Variants in UNK observed in about 807,000 individuals in gnomAD.
UNK encodes the protein RING finger protein unkempt homolog.
Under a neutral mutation model 97.6 loss-of-function variants are expected in UNK, and 32 were observed. The observed-to-expected ratio is 0.33, with a 90% CI of 0.25 to 0.44. UNK has a LOEUF of 0.44. Ranked by LOEUF, UNK falls within the 20% of genes least tolerant of loss-of-function variation. The pLI, the probability that UNK is intolerant of heterozygous loss-of-function variation, is 1.00. For missense variants in UNK, 771 were observed against 1,098.4 expected (o/e 0.70, Z 4.21); for synonymous variants, 441 against 461.2 (o/e 0.96, Z 0.56).
intron 1 of UNK, among the ~76,000 whole-genome samples, chr17:75,795,502 G>T (rs1383295569): frequency 6.6e-6 from 1 of 151,996 alleles, no homozygotes; most frequent in Non-Finnish European, 1.5e-5. Flanking sequence ...ACCACACCTG[G>T]CTAATTTTTG....
Position 75,822,464 on chromosome 17 carries a change from C to T in UNK, c.1838-13C>T, listed in dbSNP as rs1176749095. 6.3e-6 allele frequency: 10 copies of T among 1,599,558 alleles called. No homozygotes were observed. The highest frequency in any genetic ancestry group is 8.5e-6 in the Non-Finnish European group (10 of 1,171,772). ...GCCCTCCGGAGCTGATGTTCTTCCCCTCCTTGGGGCAGGTCTGAACGGGAT... is the reference window on the plus strand; with the variant it reads ...GCCCTCCGGAGCTGATGTTCTTCCCTTCCTTGGGGCAGGTCTGAACGGGAT... On this transcript the variant is annotated splice_polypyrimidine_tract_variant and intron_variant, in intron 13 of 15. Coordinates refer to ENST00000589666, the MANE Select transcript of UNK (RefSeq NM_001080419.3).
At chr17:75,822,680 G>A (rs773235210) in intron 14 of UNK, 22 bp downstream of exon 14, 21 of 1,572,542 alleles carry the variant, frequency 1.3e-5, no homozygotes, top group South Asian at 4.7e-5. Context: ...CGTGCCTGCC[G>A]GCCTTCCCCA....
rs2062006611 is a variant in UNK, at chr17:75,815,226, C to G, written c.934C>G (p.Pro312Ala). 1 of 1,613,454 alleles carries G rather than the reference C, an allele frequency of 6.2e-7. No homozygotes were observed. Among genetic ancestry groups the G allele is most frequent in the East Asian group, 2.2e-5 (1 of 44,896 alleles). ...GCAGTCGGGCAGCTGTCCCCGAGGA[C>G]CCTTCTGCGCCTTTGCCCACGTAGA... ...MQQSGSCPRG[P>A]FCAFAHVEQP... Residue 312 changes from proline (P) to alanine (A), a missense_variant, in exon 7 of 16, where the codon CCC becomes GCC. By Grantham distance (27) the Pro-to-Ala change is conservative. Around this residue, in one of 5 missense-constraint regions of UNK, gnomAD observed 246 missense variants for 440.7 expected, o/e 0.56. Coordinates refer to ENST00000589666, the MANE Select transcript of UNK (RefSeq NM_001080419.3).
chr17:75,809,228 C>T (rs1226290614), intron 1 of UNK, among the ~76,000 whole-genome samples: 4 of 152,148 alleles, frequency 2.6e-5, no homozygotes, highest in African/African-American at 9.7e-5. Context: ...AGTCAGTAGT[C>T]CCGAGGGATG....
At chr17:75,806,730 G>A (rs577973809) in intron 1 of UNK, among the ~76,000 whole-genome samples, 121 of 151,514 alleles carry the variant, frequency 8.0e-4, no homozygotes, top group African/African-American at 2.8e-3. Flanking sequence ...CTGAGATTGC[G>A]CCACTGCACT....
chr17:75,800,153 C>T (rs1373534049), intron 1 of UNK, among the ~76,000 whole-genome samples: 1 of 152,074 alleles, frequency 6.6e-6, no homozygotes, highest in Non-Finnish European at 1.5e-5. Flanking sequence ...ACTGCAGTCT[C>T]GACCTCCCAG....
At chr17:75,812,051 T>A (rs1032372117) in intron 2 of UNK, 61 bp from the exon 3 acceptor site, 1 of 1,510,610 alleles carries the variant, frequency 6.6e-7, no homozygotes, top group Non-Finnish European at 8.9e-7. Context: ...GGGCAGGGGG[T>A]AGGCAGGGAA....
chr17:75,791,364 C>T (rs1299825301), intron 1 of UNK, among the ~76,000 whole-genome samples: 1 of 152,132 alleles, frequency 6.6e-6, no homozygotes, highest in East Asian at 1.9e-4. Context: ...CACTTGATTG[C>T]ATCTGATTGT....
At chr17:75,809,027 C>G (rs1443756496) in intron 1 of UNK, 1 of 146,174 alleles carries the variant, frequency 6.8e-6, no homozygotes, top group Non-Finnish European at 1.5e-5. Context: ...CATAAATAGC[C>G]CGGCTGCTGC....
rs2062102920 is a variant in UNK at position 75,824,696 on chromosome 17, T to C, written c.*279T>C. 5.9e-6 allele frequency: 1 copy of C among 168,236 alleles called. No homozygotes were observed. Among genetic ancestry groups the C allele is most frequent in the African/African-American group, 2.4e-5 (1 of 41,962 alleles). 10.4% of individuals were successfully genotyped at this position (168,236 alleles called of 1,614,324 possible). ...CACTTTTTAAAAGAAGAAACTATTT[T>C]GCAGTCCTCCCCTACCCACTCCCTG... On this transcript the variant is annotated 3_prime_UTR_variant, in exon 16 of 16. Coordinates refer to ENST00000589666, the MANE Select transcript of UNK (RefSeq NM_001080419.3). The surrounding 1 kb of genome is among the most constrained non-coding windows in gnomAD (Gnocchi z 4.9).
intron 1 of UNK, among the ~76,000 whole-genome samples, chr17:75,804,348 A>G (rs1420495326): frequency 1.3e-5 from 2 of 151,946 alleles, no homozygotes; most frequent in Non-Finnish European, 2.9e-5. Flanking sequence ...CCAGCTACTC[A>G]GGAGGCTGAG....
At chr17:75,820,977 T>C (rs1198605200) in intron 13 of UNK, among the ~76,000 whole-genome samples, 1 of 152,194 alleles carries the variant, frequency 6.6e-6, no homozygotes, top group Non-Finnish European at 1.5e-5. Context: ...GGCTGTTCTC[T>C]GTTACGTTGA....
In UNK at chr17:75,817,314, CCTT is replaced by C. The variant is rs1260327293; in HGVS notation, c.1105-9_1105-7del. ...TGCCCACGGGCCCACTCCCTCCCCT[CCTT>C]CTCCGCAGCTCCTCTGTAGAAACAG... is the stretch of plus-strand genomic sequence containing the variant. On this transcript the variant is annotated splice_polypyrimidine_tract_variant and intron_variant, in intron 8 of 15. Transcript: ENST00000589666. This position sits in a 1 kb window ranked among gnomAD's most constrained non-coding sequence, Gnocchi z 5.8. 17 of 1,560,376 alleles carry C rather than the reference CCTT, an allele frequency of 1.1e-5. No homozygotes were observed. Among genetic ancestry groups the C allele is most frequent in the African/African-American group, 2.7e-5 (2 of 73,460 alleles).
intron 1 of UNK, among the ~76,000 whole-genome samples, chr17:75,793,273 A>G (rs1436149318): frequency 6.6e-6 from 1 of 152,176 alleles, no homozygotes; most frequent in Non-Finnish European, 1.5e-5. Flanking sequence ...TTCTTCAGGT[A>G]TCGTGAGTGT....
intron 6 of UNK, 42 bp from the exon 7 acceptor site, chr17:75,815,127 C>T: frequency 2.5e-6 from 4 of 1,587,312 alleles, no homozygotes; most frequent in Non-Finnish European, 3.4e-6. Flanking sequence ...CCCGGCCTTC[C>T]CTCAGGGCCT....
At chr17:75,799,694 C>G (rs1429243431) in intron 1 of UNK, among the ~76,000 whole-genome samples, 1 of 152,162 alleles carries the variant, frequency 6.6e-6, no homozygotes, top group Non-Finnish European at 1.5e-5. Context: ...ACTGTGGTGG[C>G]TGTACCAGCA....
intron 1 of UNK, among the ~76,000 whole-genome samples, chr17:75,806,772 C>CA (rs1187781793): frequency 6.6e-6 from 1 of 151,968 alleles, no homozygotes; most frequent in Non-Finnish European, 1.5e-5. Flanking sequence ...GACTCCGTCT[C>CA]AAAAAAATAA....
chr17:75,803,120 CG>C (rs774063372), intron 1 of UNK, among the ~76,000 whole-genome samples: 3 of 51,848 alleles, frequency 5.8e-5, no homozygotes, highest in Non-Finnish European at 9.5e-5. Context: ...AATTACAGGC[CG>C]GACGCGGTGG....
chr17:75,820,948 G>T (rs373338237), intron 13 of UNK, among the ~76,000 whole-genome samples: 20 of 152,294 alleles, frequency 1.3e-4, no homozygotes, highest in African/African-American at 4.8e-4. Flanking sequence ...GGATTTCTCA[G>T]CGCCTTCCAG....
Sources: gnomAD v4.1 joint callset for allele counts (sites outside exome capture counted in the v4.1 genomes callset) on GRCh38, gnomAD v4.1.1 for gene constraint, gnomAD v4.1.1 regional missense constraint, Gnocchi (gnomAD v3.1) non-coding constraint, MANE v1.5 for transcripts, NCBI Gene and HGNC (gene_info 2026-07-23, HGNC 2026-07-21) for gene names.